Variants in MCF2L observed in about 807,000 individuals in gnomAD.
The protein encoded by MCF2L is MCF.2 cell line derived transforming sequence like.
A neutral mutation model predicts 153.4 loss-of-function variants in MCF2L; 97 were observed. The ratio of observed to expected loss-of-function variants is 0.63; its 90% CI spans 0.54 to 0.75. The LOEUF (loss-of-function observed/expected upper bound fraction) is 0.75. Among genes scored for constraint, MCF2L ranks in the 30% least tolerant of loss-of-function variants. MCF2L has a pLI of 0.00. For missense variants in MCF2L, 1,347 were observed against 1,495.2 expected, an observed-to-expected ratio of 0.90 and a Z score of 1.64; for synonymous variants, 659 against 632.2, an observed-to-expected ratio of 1.04 and a Z score of -0.64.
upstream of MCF2L, chr13:112,965,400 T>C (rs1222461702): frequency 6.6e-6 from 1 of 152,244 alleles, no homozygotes; most frequent in Non-Finnish European, 1.5e-5. Flanking sequence ...TGCTCAGTGC[T>C]GCACCTCAGA....
intron 17 of MCF2L, among the ~76,000 whole-genome samples, chr13:113,083,022 T>C (rs1234661225): frequency 2.0e-5 from 3 of 152,318 alleles, no homozygotes; most frequent in Middle Eastern, 3.4e-3. Context: ...TCATGGGGGC[T>C]GCTTGTCCCC....
chr13:113,076,067 G>A lies in MCF2L; in HGVS notation c.1410G>A (p.Glu470=). 2 of 1,614,086 alleles carry A rather than the reference G, an allele frequency of 1.2e-6. No individual in the cohort carries two copies. ...CGGAGGCTGCCCTCCAGGAAATCGA[G>A]AAGTTTTTGGAGACCGGTGCGGAAA... ...DGAEAALQEI[E]KFLETGAENK... is the part of the protein sequence containing the mutation. Residue 470 remains glutamate, a synonymous_variant, in exon 12 of 30, where the codon GAG becomes GAA. Transcript: ENST00000535094.
chr13:113,049,047 C>T (rs34071966), intron 4 of MCF2L, among the ~76,000 whole-genome samples: 39,670 of 152,094 alleles, frequency 0.26, 5,374 homozygotes, highest in Middle Eastern at 0.33. Flanking sequence ...CCCAGGAGCC[C>T]GCCGCCTCCA....
intron 3 of MCF2L, among the ~76,000 whole-genome samples, chr13:113,033,047 C>T (rs1188353787): frequency 3.4e-5 from 5 of 145,664 alleles, no homozygotes; most frequent in Non-Finnish European, 7.5e-5. Flanking sequence ...GTGAGTGGCC[C>T]CCATGACGTG....
intron 2 of MCF2L, among the ~76,000 whole-genome samples, chr13:112,952,957 A>AT (rs1162523541): frequency 1.8e-4 from 27 of 152,104 alleles, no homozygotes; most frequent in African/African-American, 6.5e-4. Flanking sequence ...CTAAATGCCC[A>AT]CTTTTGGAAT....
chr13:113,001,697 G>A (rs988657796), intron 1 of MCF2L: 18 of 1,349,208 alleles, frequency 1.3e-5, no homozygotes, highest in East Asian at 9.2e-5. Flanking sequence ...TAAGTGAGCC[G>A]ATGCTGCTCC....
chr13:113,061,644 G>A (rs1359719594), intron 5 of MCF2L, among the ~76,000 whole-genome samples: 4 of 150,246 alleles, frequency 2.7e-5, no homozygotes, highest in East Asian at 2.0e-4. Flanking sequence ...CTCTGACAGG[G>A]AAGAAAACGG....
In MCF2L at chr13:113,078,370, G is replaced by T; in HGVS notation, c.1668G>T (p.Arg556=). 2 of 1,613,338 alleles carry T rather than the reference G, an allele frequency of 1.2e-6. No individual in the cohort carries two copies. The highest frequency in any genetic ancestry group is 1.7e-6 in the Non-Finnish European group (2 of 1,179,880). The change falls in exon 14 of 30, where the codon CGG becomes CGT. Residue 556 remains arginine (R), a synonymous_variant. Coordinates refer to ENST00000535094, the MANE Select transcript of MCF2L (RefSeq NM_001112732.3). ...TCCCCTTCTTCCCAACAGGCATTCG[G>T]CGAGGCTCTGAGAACTCCAGCTCCG... The part of the protein sequence containing the change: ...AKSPCPSPGI[R]RGSENSSSEG...
intron 1 of MCF2L, among the ~76,000 whole-genome samples, chr13:112,992,943 C>A (rs1297614695): frequency 1.3e-5 from 2 of 152,228 alleles, no homozygotes; most frequent in Non-Finnish European, 2.9e-5. Flanking sequence ...TGAGGTCAGA[C>A]CCTGGTGCAA....
chr13:113,096,682 G>A (rs2035693044), intron 29 of MCF2L, 29 bp downstream of exon 29: 3 of 1,565,406 alleles, frequency 1.9e-6, no homozygotes, highest in Non-Finnish European at 1.7e-6. Context: ...GAGCCCACCC[G>A]TGACGCTGCC....
intron 2 of MCF2L, among the ~76,000 whole-genome samples, chr13:112,953,456 A>G (rs546558196): frequency 6.6e-6 from 1 of 152,182 alleles, no homozygotes; most frequent in Non-Finnish European, 1.5e-5. Flanking sequence ...CCTCTCAAAA[A>G]CAAGCTAACC....
chr13:113,085,587 G>A (rs529809092), intron 20 of MCF2L, among the ~76,000 whole-genome samples: 1 of 152,282 alleles, frequency 6.6e-6, no homozygotes, highest in East Asian at 1.9e-4. Flanking sequence ...CATGCCTTTG[G>A]CCAGGGTTAG....
intron 2 of MCF2L, among the ~76,000 whole-genome samples, chr13:112,944,245 G>A (rs1183617800): frequency 2.6e-5 from 4 of 151,426 alleles, no homozygotes; most frequent in South Asian, 2.1e-4. Flanking sequence ...GGAGGGTCCC[G>A]GGCCATGAAG....
chr13:112,942,609 A>G (rs560255277), intron 2 of MCF2L, among the ~76,000 whole-genome samples: 59 of 152,296 alleles, frequency 3.9e-4, no homozygotes, highest in African/African-American at 1.3e-3. Context: ...GCTGGACCCT[A>G]CAGTCCACCT....
rs769443366 is a variant in MCF2L, at chr13:113,053,952, G to A, written c.370-6641G>A. Among the ~76,000 whole-genome samples the A allele has an allele frequency of 1.1e-4, 16 of 152,150 alleles. No individual in the cohort carries two copies. The highest frequency in any genetic ancestry group is 1.9e-4 in the Non-Finnish European group (13 of 68,040). ...GAATACTCCTCAACTCTTGATGGGA[G>A]CTCAGTTCACACGGCTCCGAATCGG... On this transcript the variant is annotated intron_variant, in intron 4 of 29. Transcript: ENST00000535094. The surrounding 1 kb of genome is among the most constrained non-coding windows in gnomAD (Gnocchi z 4.4).
At position 112,932,429 on chromosome 13, in the gene MCF2L, G is replaced by A. The variant is rs377196676; in HGVS notation, c.169+30058G>A. 1.4e-3 allele frequency among the ~76,000 whole-genome samples: 216 copies of A among 152,352 alleles called. 1 individual carries two copies. The Middle Eastern group carries it at 0.017, about 12-fold the overall frequency. ...CAAGAGGAGCTGAAGGAGACAGGAT[G>A]ACTGAATCCTAGAACAGAAGAATAT... On this transcript the variant is annotated intron_variant, in intron 2 of 29. Transcript: ENST00000375608. The surrounding 1 kb of genome is among the most constrained non-coding windows in gnomAD (Gnocchi z 4.6).
At chr13:112,928,852 G>A (rs776226145) in intron 2 of MCF2L, among the ~76,000 whole-genome samples, 23 of 152,228 alleles carry the variant, frequency 1.5e-4, no homozygotes, top group Non-Finnish European at 3.4e-4. Flanking sequence ...CTTCCCGGCC[G>A]AGGGCCTTTT....
At chr13:112,990,789 C>T (rs1383565005) in intron 1 of MCF2L, among the ~76,000 whole-genome samples, 1 of 152,162 alleles carries the variant, frequency 6.6e-6, no homozygotes, top group African/African-American at 2.4e-5. Flanking sequence ...CAGGCCAGGC[C>T]CAATGCTGCA....
chr13:112,915,225 C>T (rs112498175), intron 2 of MCF2L, among the ~76,000 whole-genome samples: 2 of 151,626 alleles, frequency 1.3e-5, no homozygotes, highest in Non-Finnish European at 2.9e-5. Context: ...CTGGCTAACA[C>T]GGTGAAATCC....
Sources: allele counts gnomAD v4.1 joint callset (sites outside exome capture counted in the v4.1 genomes callset), GRCh38; gene constraint gnomAD v4.1.1; non-coding constraint Gnocchi (gnomAD v3.1); transcripts MANE v1.5; gene names NCBI Gene and HGNC (gene_info 2026-07-23, HGNC 2026-07-21).